Variants in HDAC9 observed in about 807,000 individuals in gnomAD.
HDAC9 encodes histone deacetylase 9, also known as MEF-2 interacting transcription repressor (MITR) protein.
HDAC9 carries 41 observed loss-of-function variants against 139.4 expected under a neutral mutation model. That is an observed-to-expected ratio of 0.29 (90% CI 0.23 to 0.38). HDAC9 has a LOEUF of 0.38. Among genes scored for constraint, HDAC9 ranks in the 10% least tolerant of loss-of-function variants. HDAC9 has a pLI of 1.00. For missense variants in HDAC9, 1,147 were observed against 1,297.0 expected, an observed-to-expected ratio of 0.88 and a Z score of 1.78; for synonymous variants, 517 against 476.2, an observed-to-expected ratio of 1.09 and a Z score of -1.12.
intron 2 of HDAC9, among the ~76,000 whole-genome samples, chr7:18,243,006 A>G (rs183330690): frequency 4.6e-5 from 7 of 151,200 alleles, no homozygotes; most frequent in African/African-American, 1.7e-4. Flanking sequence ...AGCTATTTGC[A>G]TATGAAAAGA....
rs17432268 is a variant in HDAC9 at position 18,446,819 on chromosome 7, A to G, written c.-41-49443A>G. Among the ~76,000 whole-genome samples, 892 of 152,328 alleles carry G rather than the reference A, an allele frequency of 5.9e-3. 4 individuals are homozygous for G. The highest frequency in any genetic ancestry group is 0.01 in the Non-Finnish European group (699 of 68,022). On this transcript the variant is annotated intron_variant, in intron 1 of 3. Coordinates refer to the HDAC9 transcript ENST00000413509. ...GGCTGCCTTCTGTGTTAAAAGCTAT[A>G]AATACTTTCAACAGATTATCCACAG...
chr7:18,253,020 G>C (rs55888636), intron 2 of HDAC9, among the ~76,000 whole-genome samples: 3 of 152,102 alleles, frequency 2.0e-5, no homozygotes, highest in Non-Finnish European at 4.4e-5. Context: ...TTGGTTTTCT[G>C]TTCCTGCATT....
intron 1 of HDAC9, among the ~76,000 whole-genome samples, chr7:18,311,115 T>C (rs1035111449): frequency 6.6e-6 from 1 of 151,900 alleles, no homozygotes; most frequent in African/African-American, 2.4e-5. Context: ...ATGATGATGA[T>C]GACAAAAATA....
At chr7:18,779,180 C>T (rs1240298254) in intron 16 of HDAC9, among the ~76,000 whole-genome samples, 1 of 152,016 alleles carries the variant, frequency 6.6e-6, no homozygotes, top group Non-Finnish European at 1.5e-5. Context: ...TGTCTTCCTT[C>T]CAATGTTGAA....
chr7:18,534,025 C>T (rs1047804320), intron 2 of HDAC9, among the ~76,000 whole-genome samples: 3 of 152,054 alleles, frequency 2.0e-5, no homozygotes, highest in Non-Finnish European at 4.4e-5. Flanking sequence ...TTATAGTTAA[C>T]CACATTTTAA....
chr7:18,483,071 C>T (rs954592709), intron 1 of HDAC9, among the ~76,000 whole-genome samples: 2 of 152,012 alleles, frequency 1.3e-5, no homozygotes, highest in African/African-American at 4.8e-5. Flanking sequence ...ATAGTATATG[C>T]ATTATATACA....
rs190754262 is a variant in HDAC9 at position 18,581,440 on chromosome 7, C to G, written c.23-3841C>G. On this transcript the variant is annotated intron_variant, in intron 2 of 25. Coordinates refer to ENST00000686413, the MANE Select transcript of HDAC9 (RefSeq NM_178425.4). The stretch of plus-strand genomic sequence containing the variant: ...ATAGCAGGTTAAGAAGTCAAATTAC[C>G]CTTTGAGGTTTACAATAACTGTTTC... Among the ~76,000 whole-genome samples the G allele has an allele frequency of 2.6e-3, 390 of 152,166 alleles. 2 individuals carry two copies. The highest frequency in any genetic ancestry group is 8.8e-3 in the African/African-American group (367 of 41,536).
intron 25 of HDAC9, among the ~76,000 whole-genome samples, chr7:18,989,469 C>G (rs1392455713): frequency 6.0e-5 from 9 of 151,116 alleles, no homozygotes; most frequent in African/African-American, 2.2e-4. Context: ...CGACCTTTCT[C>G]TCTGGCTGCC....
intron 1 of HDAC9, among the ~76,000 whole-genome samples, chr7:18,135,637 AT>A (rs1235287936): frequency 1.5e-5 from 2 of 136,170 alleles, no homozygotes; most frequent in Non-Finnish European, 3.1e-5. Context: ...TGAACTCATC[AT>A]TTTTTATGGC....
At chr7:18,696,491 C>T (rs1171807219) in intron 12 of HDAC9, among the ~76,000 whole-genome samples, 5 of 146,512 alleles carry the variant, frequency 3.4e-5, no homozygotes, top group East Asian at 2.0e-4. Context: ...TTTTTTGAGA[C>T]GGAGTCTTGC....
At chr7:18,605,804 C>A (rs1211617955) in intron 6 of HDAC9, among the ~76,000 whole-genome samples, 1 of 152,144 alleles carries the variant, frequency 6.6e-6, no homozygotes, top group Non-Finnish European at 1.5e-5. Context: ...CCTCAGCCTC[C>A]CGAGTAGCTG....
At chr7:18,831,734 T>C (rs978503196) in intron 19 of HDAC9, among the ~76,000 whole-genome samples, 2 of 152,050 alleles carry the variant, frequency 1.3e-5, no homozygotes, top group Non-Finnish European at 2.9e-5. Context: ...CCGTTCTCCC[T>C]GGCTGACAGG....
chr7:18,627,207 A>G (rs956192855), intron 6 of HDAC9, among the ~76,000 whole-genome samples: 2 of 152,168 alleles, frequency 1.3e-5, no homozygotes, highest in African/African-American at 4.8e-5. Context: ...CCTCAATGAA[A>G]ATGCATGGTC....
intron 1 of HDAC9, among the ~76,000 whole-genome samples, chr7:18,358,801 C>A (rs925722316): frequency 2.6e-5 from 4 of 152,196 alleles, no homozygotes; most frequent in African/African-American, 9.7e-5. Context: ...ACTTTAGACA[C>A]CTGTCCCCTC....
intron 16 of HDAC9, among the ~76,000 whole-genome samples, chr7:18,785,311 T>G (rs1014259015): frequency 2.0e-5 from 3 of 151,978 alleles, no homozygotes; most frequent in African/African-American, 4.8e-5. Flanking sequence ...TGATTAAAGT[T>G]ATTTTTGGTT....
intron 1 of HDAC9, among the ~76,000 whole-genome samples, chr7:18,447,952 T>A (rs1792447710): frequency 1.3e-5 from 2 of 152,204 alleles, no homozygotes; most frequent in South Asian, 4.1e-4. Context: ...GCAATTCTCC[T>A]GCCTTAGCTT....
chr7:18,663,768 G>A (rs1335379499), intron 11 of HDAC9, among the ~76,000 whole-genome samples: 3 of 152,066 alleles, frequency 2.0e-5, no homozygotes, highest in Non-Finnish European at 4.4e-5. Flanking sequence ...CTTACATTTG[G>A]TTTCTCTGAT....
intron 1 of HDAC9, among the ~76,000 whole-genome samples, chr7:18,306,292 C>A (rs1468485674): frequency 6.6e-6 from 1 of 152,134 alleles, no homozygotes; most frequent in Non-Finnish European, 1.5e-5. Context: ...AATTCCTCAG[C>A]ACTTCTGGCC....
intron 25 of HDAC9, among the ~76,000 whole-genome samples, chr7:18,985,139 T>C (rs964207074): frequency 6.6e-6 from 1 of 152,146 alleles, no homozygotes; most frequent in Admixed American, 6.6e-5. Flanking sequence ...TAGTTACATA[T>C]GTATACATGT....
Sources: gnomAD v4.1 joint callset for allele counts (sites outside exome capture counted in the v4.1 genomes callset) on GRCh38, gnomAD v4.1.1 for gene constraint, MANE v1.5 for transcripts, NCBI Gene and HGNC (gene_info 2026-07-23, HGNC 2026-07-21) for gene names.